Variants in MALRD1 observed in about 807,000 individuals in gnomAD.
MALRD1 encodes MAM and LDL receptor class A domain containing 1.
A neutral mutation model predicts 242.1 loss-of-function variants in MALRD1; 247 were observed. The observed-to-expected ratio is 1.02, with a 90% CI of 0.92 to 1.13. The LOEUF (loss-of-function observed/expected upper bound fraction) is 1.13, where lower values mean the gene tolerates loss of function less well. Ranked by LOEUF, MALRD1 falls within the 50% of genes most tolerant of loss-of-function variation. The probability of loss-of-function intolerance (pLI) is 0.00; values close to 1 mark genes in which losing one functional copy is unlikely to be tolerated. For synonymous variants in MALRD1, 995 were observed against 866.6 expected, an observed-to-expected ratio of 1.15 and a Z score of -2.60; for missense variants, 2,989 against 2,533.1, an observed-to-expected ratio of 1.18 and a Z score of -3.86.
In MALRD1 at chr10:19,306,098, C is replaced by CTATA. The variant is rs1564546822; in HGVS notation, c.3420-17849_3420-17848insTATA. ...TACTATATACTATATATACTATATACTAGATAGTATATATATACTATCTAG... is the reference window on the plus strand; with the variant it reads ...TACTATATACTATATATACTATATACTATATAGATAGTATATATATACTATCTAG... On this transcript the variant is annotated intron_variant, in intron 21 of 39. Transcript: ENST00000454679. Among the ~76,000 whole-genome samples the CTATA allele has an allele frequency of 4.0e-5, 4 of 101,132 alleles. No homozygotes were observed. The South Asian group carries it at 7.6e-4, about 19-fold the overall frequency. The allele number at this position is 101,132 out of a possible 152,430, so 66.3% of individuals were successfully genotyped here.
intron 21 of MALRD1, among the ~76,000 whole-genome samples, chr10:19,288,421 C>T (rs181614655): frequency 6.9e-4 from 105 of 152,148 alleles, no homozygotes; most frequent in Non-Finnish European, 1.2e-3. Flanking sequence ...CATTAATCAT[C>T]CCCACCTCCC....
At chr10:19,583,537 C>G (rs919104085) in intron 33 of MALRD1, among the ~76,000 whole-genome samples, 1 of 149,904 alleles carries the variant, frequency 6.7e-6, no homozygotes, top group Non-Finnish European at 1.5e-5. Context: ...TATTGATTTG[C>G]GTATATTGAA....
chr10:19,573,214 G>T, intron 33 of MALRD1, among the ~76,000 whole-genome samples: 1 of 152,136 alleles, frequency 6.6e-6, no homozygotes, highest in Non-Finnish European at 1.5e-5. Flanking sequence ...TCCTGCCCCA[G>T]GTCAAGGTGG....
chr10:19,519,326 A>G (rs986828880), intron 31 of MALRD1, among the ~76,000 whole-genome samples: 9 of 152,302 alleles, frequency 5.9e-5, no homozygotes, highest in South Asian at 2.1e-4. Flanking sequence ...TGCCACCAAA[A>G]CATATAAGCA....
intron 28 of MALRD1, among the ~76,000 whole-genome samples, chr10:19,421,931 A>G (rs1310332017): frequency 6.6e-6 from 1 of 152,230 alleles, no homozygotes. Flanking sequence ...GAAGGAGCAT[A>G]TGACTGGACC....
At chr10:19,668,773 C>A (rs150436775) in intron 36 of MALRD1, among the ~76,000 whole-genome samples, 23 of 151,426 alleles carry the variant, frequency 1.5e-4, no homozygotes, top group African/African-American at 5.6e-4. Flanking sequence ...CCCTTCTCCT[C>A]CAAAAAAAGA....
chr10:19,621,458 A>G lies in MALRD1; in HGVS notation c.6137+5535A>G, dbSNP rs192309422. Among the ~76,000 whole-genome samples, 416 of 151,646 alleles carry G rather than the reference A, an allele frequency of 2.7e-3. 2 individuals carry two copies. The highest frequency in any genetic ancestry group is 4.6e-3 in the Non-Finnish European group (309 of 67,714). The stretch of plus-strand genomic sequence containing the variant: ...AAAAAATGAAATTGAAAAAGTAAAG[A>G]TTAAATTATCATTTTCAAAGGATGA... On this transcript the variant is annotated intron_variant, in intron 36 of 39. Coordinates refer to ENST00000454679, the MANE Select transcript of MALRD1 (RefSeq NM_001142308.3).
At chr10:19,360,055 A>C (rs893324646) in intron 26 of MALRD1, among the ~76,000 whole-genome samples, 9 of 152,078 alleles carry the variant, frequency 5.9e-5, no homozygotes, top group African/African-American at 2.2e-4. Flanking sequence ...TGGGAAATTT[A>C]AAAAGAGAAA....
intron 28 of MALRD1, among the ~76,000 whole-genome samples, chr10:19,428,848 A>G (rs1258550328): frequency 6.6e-6 from 1 of 152,236 alleles, no homozygotes; most frequent in African/African-American, 2.4e-5. Context: ...ATTCCAGAGA[A>G]ATAACCATAA....
chr10:19,352,973 C>T (rs1044189941), intron 26 of MALRD1, among the ~76,000 whole-genome samples: 12 of 151,970 alleles, frequency 7.9e-5, no homozygotes, highest in African/African-American at 2.7e-4. Flanking sequence ...AGTAAATTTT[C>T]TTAGCCAGTG....
intron 19 of MALRD1, among the ~76,000 whole-genome samples, chr10:19,268,861 G>A (rs1452531559): frequency 6.6e-6 from 1 of 152,168 alleles, no homozygotes; most frequent in Non-Finnish European, 1.5e-5. Context: ...AGAGTGAGGA[G>A]TTAGATCACT....
chr10:19,657,413 C>G (rs1841205945), intron 36 of MALRD1, among the ~76,000 whole-genome samples: 1 of 152,124 alleles, frequency 6.6e-6, no homozygotes, highest in Non-Finnish European at 1.5e-5. Context: ...AGAACACACT[C>G]CAGCCCAGGG....
intron 18 of MALRD1, among the ~76,000 whole-genome samples, chr10:19,249,994 T>C (rs1003857087): frequency 2.0e-5 from 3 of 152,020 alleles, no homozygotes; most frequent in Non-Finnish European, 4.4e-5. Flanking sequence ...CATATGATGA[T>C]TTTTTGTAGA....
intron 24 of MALRD1, among the ~76,000 whole-genome samples, chr10:19,332,905 G>A (rs139200670): frequency 2.0e-5 from 3 of 152,050 alleles, no homozygotes; most frequent in South Asian, 4.2e-4. Context: ...TTAAGTTCTC[G>A]GGTACATGTG....
intron 14 of MALRD1, among the ~76,000 whole-genome samples, chr10:19,199,255 CG>C (rs1836411309): frequency 6.6e-6 from 1 of 152,142 alleles, no homozygotes; most frequent in South Asian, 2.1e-4. Flanking sequence ...CACCTATTTC[CG>C]GAATGTGTCC....
chr10:19,066,897 T>C (rs1564370422), intron 2 of MALRD1, 38 bp downstream of exon 2: 2 of 1,222,902 alleles, frequency 1.6e-6, no homozygotes, highest in Non-Finnish European at 2.0e-6. Context: ...CTCTCTCCCT[T>C]CCTCCTTTCC....
At chr10:19,301,584 T>G (rs1249350905) in intron 21 of MALRD1, among the ~76,000 whole-genome samples, 1 of 151,482 alleles carries the variant, frequency 6.6e-6, no homozygotes, top group Non-Finnish European at 1.5e-5. Context: ...AAGCTGGAGG[T>G]CATCATCTTA....
chr10:19,509,608 G>A (rs118159258), intron 31 of MALRD1, among the ~76,000 whole-genome samples: 22 of 152,270 alleles, frequency 1.4e-4, no homozygotes, highest in Non-Finnish European at 2.9e-4. Context: ...TTTGGTCTCA[G>A]TATGGAACTC....
intron 13 of MALRD1, among the ~76,000 whole-genome samples, chr10:19,174,235 T>C (rs1311943435): frequency 6.6e-6 from 1 of 152,116 alleles, no homozygotes; most frequent in Non-Finnish European, 1.5e-5. Flanking sequence ...ATGAGGTTCT[T>C]ATGACCTATT....
Sources: gnomAD v4.1 joint callset for allele counts (sites outside exome capture counted in the v4.1 genomes callset) on GRCh38, gnomAD v4.1.1 for gene constraint, MANE v1.5 for transcripts, NCBI Gene and HGNC (gene_info 2026-07-23, HGNC 2026-07-21) for gene names.